Variants in ATP8A2 observed in about 807,000 individuals in gnomAD.
ATP8A2 encodes the protein phospholipid-transporting ATPase IB.
ATP8A2 carries 100 observed loss-of-function variants against 165.6 expected under a neutral mutation model. The observed-to-expected ratio is 0.60, with a 90% CI of 0.51 to 0.71. The LOEUF (loss-of-function observed/expected upper bound fraction) is 0.71. Among genes scored for constraint, ATP8A2 ranks in the 30% least tolerant of loss-of-function variants. ATP8A2 has a pLI of 0.00. For synonymous variants in ATP8A2, 543 were observed against 548.8 expected, an observed-to-expected ratio of 0.99 and a Z score of 0.15; for missense variants, 1,227 against 1,479.5, an observed-to-expected ratio of 0.83 and a Z score of 2.80.
At chr13:25,553,990 C>T (rs7331675) in intron 12 of ATP8A2, 70 bp downstream of exon 12, 65,899 of 1,482,720 alleles carry the variant, frequency 0.044, 2,197 homozygotes, top group South Asian at 0.12. Flanking sequence ...TTTAATTGAG[C>T]ACTCAAAAAA....
chr13:25,704,068 A>C (rs2043005347), intron 25 of ATP8A2, among the ~76,000 whole-genome samples: 2 of 152,262 alleles, frequency 1.3e-5, no homozygotes, highest in Admixed American at 1.3e-4. Context: ...TTGATTATAA[A>C]AAATGAATCC....
At chr13:25,570,907 CTTCTCAGGA>C (rs1477000906) in intron 17 of ATP8A2, 35 bp downstream of exon 17, 1 of 1,456,038 alleles carries the variant, frequency 6.9e-7, no homozygotes, top group East Asian at 2.3e-5. Context: ...CTGCTGGCCC[CTTCTCAGGA>C]CACCTGGGTG....
At chr13:25,590,194 G>A (rs1483341030) in intron 24 of ATP8A2, among the ~76,000 whole-genome samples, 1 of 152,176 alleles carries the variant, frequency 6.6e-6, no homozygotes, top group East Asian at 1.9e-4. Context: ...GGAGGCGGAG[G>A]CAGAAGGATC....
At chr13:25,996,421 A>G (rs1276530082) in intron 35 of ATP8A2, among the ~76,000 whole-genome samples, 1 of 152,184 alleles carries the variant, frequency 6.6e-6, no homozygotes, top group Non-Finnish European at 1.5e-5. Context: ...AGCAAAAGAA[A>G]AGCTTCTTGT....
chr13:25,825,268 C>T (rs544640360), intron 27 of ATP8A2, among the ~76,000 whole-genome samples: 1 of 144,534 alleles, frequency 6.9e-6, no homozygotes, highest in South Asian at 2.3e-4. Flanking sequence ...AGGAATCCTC[C>T]TGCCTTAGCC....
intron 1 of ATP8A2, among the ~76,000 whole-genome samples, chr13:25,454,751 G>A (rs1043726529): frequency 5.3e-5 from 8 of 152,048 alleles, no homozygotes; most frequent in African/African-American, 1.2e-4. Context: ...GTGAAACCCC[G>A]TCTCTACTAA....
At chr13:25,447,737 G>T (rs1266371761) in intron 1 of ATP8A2, among the ~76,000 whole-genome samples, 1 of 152,172 alleles carries the variant, frequency 6.6e-6, no homozygotes, top group Non-Finnish European at 1.5e-5. Flanking sequence ...ATGGGTCCTT[G>T]TCCAGTGTCC....
At chr13:25,790,633 G>A (rs2138401313) in intron 27 of ATP8A2, among the ~76,000 whole-genome samples, 1 of 151,488 alleles carries the variant, frequency 6.6e-6, no homozygotes, top group Middle Eastern at 3.4e-3. Context: ...AGGTTGAGGT[G>A]TGGTGAGCTG....
chr13:25,513,406 C>G (rs188085230), intron 2 of ATP8A2, among the ~76,000 whole-genome samples: 2 of 142,984 alleles, frequency 1.4e-5, no homozygotes, highest in South Asian at 2.2e-4. Context: ...GGATGGCGGC[C>G]GGGAAGAGGC....
intron 33 of ATP8A2, among the ~76,000 whole-genome samples, chr13:25,890,182 A>T (rs1953316314): frequency 6.6e-6 from 1 of 152,136 alleles, no homozygotes; most frequent in Admixed American, 6.6e-5. Context: ...AAAGAAAAAA[A>T]ATTTTACCGT....
At chr13:25,808,939 C>G (rs1371819447) in intron 27 of ATP8A2, among the ~76,000 whole-genome samples, 1 of 152,066 alleles carries the variant, frequency 6.6e-6, no homozygotes, top group Non-Finnish European at 1.5e-5. Context: ...TGAAAGAGAA[C>G]TAAGGAATAC....
At chr13:25,937,733 T>C (rs989017663) in intron 33 of ATP8A2, among the ~76,000 whole-genome samples, 6 of 150,576 alleles carry the variant, frequency 4.0e-5, no homozygotes, top group African/African-American at 7.3e-5. Context: ...CCTGTAGTCC[T>C]AGCTACTTGG....
intron 24 of ATP8A2, among the ~76,000 whole-genome samples, chr13:25,621,380 T>C (rs1308230233): frequency 6.6e-6 from 1 of 152,204 alleles, no homozygotes; most frequent in African/African-American, 2.4e-5. Flanking sequence ...TTTAATCTTT[T>C]CATTTTTCTC....
chr13:25,432,171 A>G (rs551481), intron 1 of ATP8A2, among the ~76,000 whole-genome samples: 38,276 of 152,124 alleles, frequency 0.25, 5,043 homozygotes, highest in East Asian at 0.4. Flanking sequence ...TAATGTTTTC[A>G]TTTTAAAGAT....
intron 2 of ATP8A2, among the ~76,000 whole-genome samples, chr13:25,522,798 G>A (rs765974219): frequency 1.3e-5 from 2 of 152,156 alleles, no homozygotes; most frequent in African/African-American, 4.8e-5. Context: ...ATATGTTGGT[G>A]AATTCATTTT....
Position 25,615,122 on chromosome 13 carries a change from C to T in ATP8A2, c.2211+25423C>T, listed in dbSNP as rs144171279. Among the ~76,000 whole-genome samples the T allele has an allele frequency of 1.0e-3, 156 of 152,176 alleles. 1 individual carries two copies. Among genetic ancestry groups the T allele is most frequent in the African/African-American group, 3.6e-3 (148 of 41,514 alleles). Reference sequence around the variant, plus strand: ...CCGAAGAGATTATGTCCTTTGTCTTCGGCTACCAGGGTGGGTAGAGAAAGA... The same window carrying T: ...CCGAAGAGATTATGTCCTTTGTCTTTGGCTACCAGGGTGGGTAGAGAAAGA... On this transcript the variant is annotated intron_variant, in intron 24 of 36. Coordinates refer to ENST00000381655, the MANE Select transcript of ATP8A2 (RefSeq NM_016529.6).
chr13:25,479,639 C>G (rs936220232), intron 2 of ATP8A2, among the ~76,000 whole-genome samples: 4 of 151,828 alleles, frequency 2.6e-5, no homozygotes, highest in Non-Finnish European at 5.9e-5. Flanking sequence ...ACCCTGAGGC[C>G]TTCCGCAGTG....
intron 35 of ATP8A2, among the ~76,000 whole-genome samples, chr13:26,004,567 G>A (rs962163464): frequency 2.0e-5 from 3 of 151,928 alleles, no homozygotes. Flanking sequence ...GGCAAGAGTG[G>A]GCATCCTTGT....
chr13:25,643,523 A>G (rs953378231), intron 24 of ATP8A2, among the ~76,000 whole-genome samples: 5 of 152,152 alleles, frequency 3.3e-5, no homozygotes, highest in African/African-American at 1.2e-4. Context: ...ACTATTTATT[A>G]AAGAGACTGT....
Sources: allele counts gnomAD v4.1 joint callset (sites outside exome capture counted in the v4.1 genomes callset), GRCh38; gene constraint gnomAD v4.1.1; transcripts MANE v1.5; gene names NCBI Gene and HGNC (gene_info 2026-07-23, HGNC 2026-07-21).